NFASC: variants seen among roughly 807,000 people sequenced by gnomAD.
NFASC encodes the protein neurofascin.
Under a neutral mutation model 147.5 loss-of-function variants are expected in NFASC, and 43 were observed. The observed-to-expected ratio is 0.29, with a 90% CI of 0.23 to 0.38. The LOEUF is 0.38. Ranked by LOEUF, NFASC falls within the 10% of genes least tolerant of loss-of-function variation. The probability of loss-of-function intolerance (pLI) is 1.00; values close to 1 mark genes in which losing one functional copy is unlikely to be tolerated. For synonymous variants in NFASC, 622 were observed against 665.5 expected (o/e 0.93, Z 1.01); for missense variants, 1,320 against 1,689.0 (o/e 0.78, Z 3.83).
At chr1:204,896,312 A>G (rs931693488) in intron 1 of NFASC, among the ~76,000 whole-genome samples, 1 of 152,184 alleles carries the variant, frequency 6.6e-6, no homozygotes, top group African/African-American at 2.4e-5. Context: ...GAATTCTTGC[A>G]GGGGAGGCAG....
chr1:204,854,944 A>G (rs917464868), intron 1 of NFASC, among the ~76,000 whole-genome samples: 1 of 152,230 alleles, frequency 6.6e-6, no homozygotes, highest in Non-Finnish European at 1.5e-5. Flanking sequence ...GCAGTGATTG[A>G]GTGTGTGCTT....
chr1:204,997,222 T>G lies in NFASC; in HGVS notation c.2835T>G (p.Ser945Arg). Residue 945 changes from serine to arginine, a missense_variant, in exon 25 of 30, where the codon AGT becomes AGG. Physicochemically the swap from Ser to Arg is moderately radical, Grantham distance 110 (BLOSUM62 -1). This residue lies in a region of NFASC where 172 missense variants were observed against 165.8 expected (regional missense o/e 1.04). Transcript: ENST00000339876. ...TGGGTGCGACGGGCGCTGTGAGCAG[T>G]ACCGATGCTACTGCCATTGCTGCCA... is the stretch of plus-strand genomic sequence containing the variant. Reference protein sequence around the residue: ...TTVGATGAVSSTDATAIAATT... With the variant: ...TTVGATGAVSRTDATAIAATT... 1 of 1,613,736 alleles carries G rather than the reference T, an allele frequency of 6.2e-7. No individual in the cohort carries two copies. The highest frequency in any genetic ancestry group is 1.3e-5 in the African/African-American group (1 of 74,946).
At chr1:204,981,659 T>G in intron 20 of NFASC, 139 bp from the exon 21 acceptor site, 1 of 500,050 alleles carries the variant, frequency 2.0e-6, no homozygotes, top group Non-Finnish European at 3.5e-6. Context: ...GGGGATATGG[T>G]CTTCCCTACC....
chr1:204,851,473 C>T (rs1283724367), intron 1 of NFASC, among the ~76,000 whole-genome samples: 1 of 152,034 alleles, frequency 6.6e-6, no homozygotes, highest in Non-Finnish European at 1.5e-5. Context: ...GCTGGGACTA[C>T]AGGTGCATGC....
chr1:205,002,970 G>A (rs1004968437), intron 27 of NFASC, among the ~76,000 whole-genome samples: 1 of 152,202 alleles, frequency 6.6e-6, no homozygotes, highest in Non-Finnish European at 1.5e-5. Context: ...CAGTGATTGT[G>A]GCCCCGTGCG....
chr1:204,928,717 G>A (rs566769170), intron 2 of NFASC, among the ~76,000 whole-genome samples: 2 of 152,308 alleles, frequency 1.3e-5, no homozygotes, highest in South Asian at 2.1e-4. Context: ...GAACACAGAC[G>A]TCTCTGTGTC....
chr1:204,936,645 G>A (rs1309037495), intron 2 of NFASC, among the ~76,000 whole-genome samples: 1 of 152,100 alleles, frequency 6.6e-6, no homozygotes, highest in Non-Finnish European at 1.5e-5. Flanking sequence ...CAGGCTGAGG[G>A]CTGGCCTCAC....
Position 204,973,289 on chromosome 1 carries a change from C to G in NFASC, c.1149C>G (p.Asn383Lys). 1 of 1,614,220 alleles carries G rather than the reference C, an allele frequency of 6.2e-7. No homozygotes were observed. Among genetic ancestry groups the G allele is most frequent in the Non-Finnish European group, 8.5e-7 (1 of 1,180,038 alleles). ...NGEPLQSAPP[N>K]PNREVAGDTI... The stretch of plus-strand genomic sequence containing the variant: ...TCTTGTCTGTAGCGGCACCACCTAA[C>G]CCAAACCGTGAGGTGGCCGGAGACA... The change falls in exon 12 of 30, where the codon AAC becomes AAG. Residue 383 changes from asparagine to lysine, a missense_variant. Around this residue, in one of 3 missense-constraint regions of NFASC, gnomAD observed 981 missense variants for 1,289.5 expected, o/e 0.76. Transcript: ENST00000339876.
intron 1 of NFASC, among the ~76,000 whole-genome samples, chr1:204,863,934 A>G (rs1558515169): frequency 2.0e-5 from 3 of 150,786 alleles, no homozygotes; most frequent in Non-Finnish European, 4.4e-5. Flanking sequence ...AGGAGGAAGA[A>G]AGAGAGAGAG....
intron 24 of NFASC, among the ~76,000 whole-genome samples, chr1:204,995,313 A>C (rs2095822458): frequency 9.9e-6 from 1 of 100,570 alleles, no homozygotes; most frequent in Admixed American, 1.1e-4. Flanking sequence ...TGATGTGTGC[A>C]CAGTGTGTGT....
intron 1 of NFASC, among the ~76,000 whole-genome samples, chr1:204,861,104 T>C (rs1188113712): frequency 6.9e-6 from 1 of 144,846 alleles, no homozygotes; most frequent in African/African-American, 2.7e-5. Context: ...TTTTTTTTTT[T>C]TGGAGACAAG....
intron 20 of NFASC, among the ~76,000 whole-genome samples, chr1:204,981,365 A>G (rs1449066174): frequency 6.6e-6 from 1 of 152,286 alleles, no homozygotes; most frequent in African/African-American, 2.4e-5. Flanking sequence ...CGGTAGAACT[A>G]AAGTCCATTC....
chr1:204,920,370 G>A (rs1316270469), intron 1 of NFASC, among the ~76,000 whole-genome samples: 1 of 151,952 alleles, frequency 6.6e-6, no homozygotes, highest in African/African-American at 2.4e-5. Context: ...TGTGGTGTCA[G>A]GGCACTAAGA....
At chr1:204,856,382 G>GGTTGT (rs1553378380) in intron 1 of NFASC, among the ~76,000 whole-genome samples, 1 of 139,692 alleles carries the variant, frequency 7.2e-6, no homozygotes, top group Non-Finnish European at 1.5e-5. Flanking sequence ...ATGCAGAACA[G>GGTTGT]GTGTGTGTGT....
intron 3 of NFASC, among the ~76,000 whole-genome samples, chr1:204,948,229 G>A (rs2093905373): frequency 6.6e-6 from 1 of 152,254 alleles, no homozygotes; most frequent in African/African-American, 2.4e-5. Context: ...CATAGAAGGC[G>A]AGTGGTGTGA....
intron 1 of NFASC, among the ~76,000 whole-genome samples, chr1:204,904,258 C>T (rs1558044323): frequency 1.3e-5 from 2 of 152,058 alleles, no homozygotes; most frequent in Admixed American, 6.5e-5. Flanking sequence ...CAACCAAGCC[C>T]GTCTAATTTT....
chr1:204,869,473 TTTGA>T (rs1230612184), intron 1 of NFASC, among the ~76,000 whole-genome samples: 1 of 152,222 alleles, frequency 6.6e-6, no homozygotes, highest in Non-Finnish European at 1.5e-5. Flanking sequence ...CAATCTTCCA[TTTGA>T]TTAAAATATT....
intron 27 of NFASC, among the ~76,000 whole-genome samples, chr1:205,002,980 G>A (rs995357465): frequency 3.3e-5 from 5 of 152,152 alleles, no homozygotes; most frequent in East Asian, 1.9e-4. Flanking sequence ...GGCCCCGTGC[G>A]GGTCAGAAGG....
chr1:204,953,574 G>A (rs2094259660), intron 5 of NFASC, among the ~76,000 whole-genome samples: 1 of 152,180 alleles, frequency 6.6e-6, no homozygotes, highest in Admixed American at 6.5e-5. Flanking sequence ...GGGATTACAG[G>A]CGTGAGCCAC....
Sources: allele counts gnomAD v4.1 joint callset (sites outside exome capture counted in the v4.1 genomes callset), GRCh38; gene constraint gnomAD v4.1.1; regional missense constraint gnomAD v4.1.1; transcripts MANE v1.5; gene names NCBI Gene and HGNC (gene_info 2026-07-23, HGNC 2026-07-21).